The following TMEM116 variants were observed in gnomAD, a reference collection of about 807,000 sequenced individuals.
TMEM116 encodes transmembrane protein 116.
Under a neutral mutation model 44.3 loss-of-function variants are expected in TMEM116, and 38 were observed. The observed-to-expected ratio is 0.86, with a 90% CI of 0.66 to 1.12. The LOEUF (loss-of-function observed/expected upper bound fraction) is 1.12. Ranked by LOEUF, TMEM116 falls within the 50% of genes most tolerant of loss-of-function variation. The pLI is 0.00. For synonymous variants in TMEM116, 132 were observed against 144.8 expected, an observed-to-expected ratio of 0.91 and a Z score of 0.64; for missense variants, 354 against 401.7, an observed-to-expected ratio of 0.88 and a Z score of 1.01.
intron 4 of TMEM116, among the ~76,000 whole-genome samples, chr12:111,990,012 T>G (rs1389844045): frequency 6.6e-6 from 1 of 152,098 alleles, no homozygotes; most frequent in African/African-American, 2.4e-5. Flanking sequence ...TCCCAGCACT[T>G]TGGGAGGCCA....
intron 5 of TMEM116, among the ~76,000 whole-genome samples, chr12:111,942,518 C>T (rs867661200): frequency 6.6e-6 from 1 of 152,122 alleles, no homozygotes; most frequent in Non-Finnish European, 1.5e-5. Flanking sequence ...GTGATCTGCC[C>T]GCCTTGGCCT....
intron 3 of TMEM116, among the ~76,000 whole-genome samples, chr12:111,996,826 A>T (rs1043035161): frequency 6.6e-6 from 1 of 152,262 alleles, no homozygotes; most frequent in African/African-American, 2.4e-5. Context: ...TTCATACTAC[A>T]GAATACCAGA....
intron 4 of TMEM116, among the ~76,000 whole-genome samples, chr12:111,948,068 C>A (rs2073419450): frequency 6.6e-6 from 1 of 152,096 alleles, no homozygotes; most frequent in Admixed American, 6.6e-5. Context: ...ATTTTAAAAA[C>A]TGGTCGGGCC....
chr12:112,012,549 G>A (rs574147786), intron 1 of TMEM116: 1 of 152,718 alleles, frequency 6.5e-6, no homozygotes, highest in East Asian at 1.9e-4. Flanking sequence ...AAAGTGCTGG[G>A]ATTACAGACG....
intron 5 of TMEM116, among the ~76,000 whole-genome samples, chr12:111,940,523 G>GTGTATATATATATATATATA (rs1452904726): frequency 3.8e-5 from 4 of 104,934 alleles, no homozygotes; most frequent in East Asian, 1.3e-3. Flanking sequence ...ATATATATGT[G>GTGTATATATATATATATATA]TATATATATA....
rs149595175 is a variant in TMEM116, at chr12:111,968,389, C to G, written c.210+23369G>C. Among the ~76,000 whole-genome samples, 147 of 152,172 alleles carry G rather than the reference C, an allele frequency of 9.7e-4. 1 individual carries two copies. The highest frequency in any genetic ancestry group is 3.2e-3 in the African/African-American group (131 of 41,502). ...ACCTAACAAATTATAAAAGCAAGAC[C>G]TGAATGATTCAAACTATTTCCAAGT... On this transcript the variant is annotated intron_variant, in intron 4 of 10. Coordinates refer to ENST00000552374, the MANE Select transcript of TMEM116 (RefSeq NM_001193531.2).
intron 1 of TMEM116, among the ~76,000 whole-genome samples, chr12:112,010,083 T>C (rs1237104536): frequency 6.6e-6 from 1 of 152,194 alleles, no homozygotes; most frequent in African/African-American, 2.4e-5. Context: ...TAAAACTGTT[T>C]TACTATCTCC....
In TMEM116 at chr12:111,950,554, C is replaced by G. The variant is rs1045331384; in HGVS notation, c.211-7185G>C. Among the ~76,000 whole-genome samples the G allele has an allele frequency of 6.6e-5, 10 of 151,514 alleles. 1 individual carries two copies. The highest frequency in any genetic ancestry group is 2.0e-4 in the Admixed American group (3 of 15,196). ...ACATCTACAACTATCTGATCTTCGA[C>G]GAAGCTGACAAAAACAAGCAATGGG... On this transcript the variant is annotated intron_variant, in intron 4 of 10. Transcript: ENST00000552374.
At chr12:111,969,506 T>C (rs529406289) in intron 4 of TMEM116, among the ~76,000 whole-genome samples, 1 of 151,270 alleles carries the variant, frequency 6.6e-6, no homozygotes, top group East Asian at 2.0e-4. Context: ...GTGATTCTCC[T>C]GCCTCAGCCT....
intron 4 of TMEM116, among the ~76,000 whole-genome samples, chr12:111,975,723 T>C (rs1314591710): frequency 6.6e-6 from 1 of 152,026 alleles, no homozygotes; most frequent in Non-Finnish European, 1.5e-5. Context: ...GAGCCTTATC[T>C]GACATGGGGG....
chr12:111,979,652 T>G (rs2136519255), intron 4 of TMEM116, among the ~76,000 whole-genome samples: 1 of 152,318 alleles, frequency 6.6e-6, no homozygotes, highest in African/African-American at 2.4e-5. Flanking sequence ...AAATCTGTTC[T>G]GCAGAAGACT....
At position 111,931,756 on chromosome 12, in the gene TMEM116, T is replaced by C. The variant is rs150575127; in HGVS notation, c.879A>G (p.Gln293=). The change falls in exon 11 of 11, where the codon CAA becomes CAG. Residue 293 remains glutamine (Q), a synonymous_variant. Coordinates refer to ENST00000552374, the MANE Select transcript of TMEM116 (RefSeq NM_001193531.2). ...VYGWTQHKFH[Q]LKQEARRDAD... ...CATCACGCCGAGCCTCCTGCTTTAGTTGGTGGAATTTGTGCTGCGTCCAGC... is the reference window on the plus strand; with the variant it reads ...CATCACGCCGAGCCTCCTGCTTTAGCTGGTGGAATTTGTGCTGCGTCCAGC... The C allele has an allele frequency of 3.7e-6, 6 of 1,606,950 alleles. No individual in the cohort carries two copies. Among genetic ancestry groups the C allele is most frequent in the South Asian group, 1.1e-5 (1 of 89,604 alleles).
At chr12:111,938,297 G>T in intron 5 of TMEM116, 87 bp from the exon 6 acceptor site, 1 of 997,510 alleles carries the variant, frequency 1.0e-6, no homozygotes, top group Non-Finnish European at 1.4e-6. Context: ...ACACTCAATA[G>T]AACAAAAAGA....
chr12:111,959,223 C>G (rs2074391578), intron 4 of TMEM116, among the ~76,000 whole-genome samples: 1 of 152,120 alleles, frequency 6.6e-6, no homozygotes, highest in African/African-American at 2.4e-5. Context: ...AATTTTCAAC[C>G]CAGAATTTCA....
intron 4 of TMEM116, among the ~76,000 whole-genome samples, chr12:111,979,991 G>A (rs1403967508): frequency 1.3e-5 from 2 of 152,162 alleles, no homozygotes; most frequent in Non-Finnish European, 2.9e-5. Flanking sequence ...AATGAAAGCG[G>A]GTACAGCCAC....
chr12:111,944,760 A>C (rs527739062), intron 4 of TMEM116, among the ~76,000 whole-genome samples: 1 of 152,184 alleles, frequency 6.6e-6, no homozygotes, highest in Non-Finnish European at 1.5e-5. Flanking sequence ...AGTAGGTGGG[A>C]CAATCCCTAA....
Position 112,013,159 on chromosome 12 carries a change from C to A in TMEM116, c.-191G>T. The A allele has an allele frequency of 2.8e-6, 1 of 355,766 alleles. No individual in the cohort carries two copies. Among genetic ancestry groups the A allele is most frequent in the East Asian group, 4.8e-5 (1 of 21,010 alleles). 22.0% of individuals were successfully genotyped at this position (355,766 alleles called of 1,614,324 possible). On this transcript the variant is annotated 5_prime_UTR_variant, in exon 1 of 11. Coordinates refer to ENST00000552374, the MANE Select transcript of TMEM116 (RefSeq NM_001193531.2). ...CGCTTCTCCTCAAGCGGAGCAGGAA[C>A]GGAACTGGGCGGACCCGCCGGAAGA...
chr12:111,958,910 A>G (rs1390161089), intron 4 of TMEM116, among the ~76,000 whole-genome samples: 1 of 152,182 alleles, frequency 6.6e-6, no homozygotes. Context: ...TGGAACCAAG[A>G]TGGAAAATAC....
At chr12:111,971,503 A>G (rs2075335239) in intron 4 of TMEM116, among the ~76,000 whole-genome samples, 1 of 152,012 alleles carries the variant, frequency 6.6e-6, no homozygotes, top group Non-Finnish European at 1.5e-5. Context: ...TAACTTAAAA[A>G]AAAAAAAACT....
Sources: allele counts gnomAD v4.1 joint callset (sites outside exome capture counted in the v4.1 genomes callset), GRCh38; gene constraint gnomAD v4.1.1; transcripts MANE v1.5; gene names NCBI Gene and HGNC (gene_info 2026-07-23, HGNC 2026-07-21).